Variants in SLC24A4 observed in about 807,000 individuals in gnomAD.
SLC24A4 encodes solute carrier family 24 member 4.
A neutral mutation model predicts 79.0 loss-of-function variants in SLC24A4; 53 were observed. That is an observed-to-expected ratio of 0.67 (90% CI 0.54 to 0.84). SLC24A4 has a LOEUF of 0.84. Ranked by LOEUF, SLC24A4 falls within the 40% of genes least tolerant of loss-of-function variation. The pLI is 0.00. For synonymous variants in SLC24A4, 323 were observed against 323.8 expected (o/e 1.00, Z 0.03); for missense variants, 731 against 822.0 (o/e 0.89, Z 1.35).
intron 2 of SLC24A4, among the ~76,000 whole-genome samples, chr14:92,332,529 G>A (rs1221361012): frequency 2.6e-5 from 4 of 152,194 alleles, no homozygotes; most frequent in Admixed American, 2.6e-4. Context: ...GCTGGGCATT[G>A]TGGGGAGCAC....
intron 2 of SLC24A4, among the ~76,000 whole-genome samples, chr14:92,341,429 C>G (rs1265578403): frequency 6.6e-6 from 1 of 152,150 alleles, no homozygotes; most frequent in Non-Finnish European, 1.5e-5. Flanking sequence ...GTGGAAACTC[C>G]CCAGAGACCT....
intron 2 of SLC24A4, among the ~76,000 whole-genome samples, chr14:92,412,942 A>T (rs1364070410): frequency 6.6e-6 from 1 of 152,240 alleles, no homozygotes; most frequent in Non-Finnish European, 1.5e-5. Context: ...GACACATGAG[A>T]ATGACAGAGA....
At chr14:92,431,761 A>G (rs1265041070) in intron 2 of SLC24A4, among the ~76,000 whole-genome samples, 2 of 152,046 alleles carry the variant, frequency 1.3e-5, no homozygotes, top group Non-Finnish European at 2.9e-5. Flanking sequence ...TAGAAGTAGC[A>G]GCAAATTGCC....
At chr14:92,434,324 A>G (rs1215268973) in intron 3 of SLC24A4, among the ~76,000 whole-genome samples, 3 of 152,208 alleles carry the variant, frequency 2.0e-5, no homozygotes, top group Admixed American at 1.3e-4. Context: ...TGCGTGGCAC[A>G]TGATAACTCC....
chr14:92,356,771 C>T (rs1887205517), intron 2 of SLC24A4, among the ~76,000 whole-genome samples: 1 of 152,214 alleles, frequency 6.6e-6, no homozygotes, highest in African/African-American at 2.4e-5. Context: ...TGCAGTAGGA[C>T]ACCATTCAGT....
At chr14:92,488,115 A>G (rs976685558) in intron 14 of SLC24A4, among the ~76,000 whole-genome samples, 4 of 135,482 alleles carry the variant, frequency 3.0e-5, no homozygotes, top group African/African-American at 1.1e-4. Flanking sequence ...TCTGTCACCC[A>G]GGCTGGAGTA....
At chr14:92,482,582 A>G (rs2139923585) in intron 12 of SLC24A4, 98 bp from the exon 13 acceptor site, 1 of 1,217,004 alleles carries the variant, frequency 8.2e-7, no homozygotes, top group Non-Finnish European at 1.1e-6. Context: ...GCATTCTCTT[A>G]TTTAGCTTGA....
In SLC24A4 at chr14:92,409,705, T is replaced by C. The variant is rs557001544; in HGVS notation, c.242-24207T>C. Among the ~76,000 whole-genome samples the C allele has an allele frequency of 9.9e-5, 15 of 152,284 alleles. No individual in the cohort carries two copies. The South Asian group carries it at 3.1e-3, about 32-fold the overall frequency. The stretch of plus-strand genomic sequence containing the variant: ...AGACTAGTTTTGGGATTGTTTGGTT[T>C]TTTTTTAAGAGATGAGGTCTCATAT... On this transcript the variant is annotated intron_variant, in intron 2 of 16. Transcript: ENST00000532405.
At chr14:92,379,248 G>A (rs1411109875) in intron 2 of SLC24A4, among the ~76,000 whole-genome samples, 1 of 152,190 alleles carries the variant, frequency 6.6e-6, no homozygotes, top group African/African-American at 2.4e-5. Context: ...TGGATCTTCT[G>A]TTTATTGGGC....
chr14:92,373,025 TG>T (rs1397025947), intron 2 of SLC24A4, among the ~76,000 whole-genome samples: 2 of 148,412 alleles, frequency 1.3e-5, no homozygotes, highest in Admixed American at 1.4e-4. Context: ...TCTTTCGAGA[TG>T]GAGTCTTGCT....
intron 2 of SLC24A4, among the ~76,000 whole-genome samples, chr14:92,364,514 A>G (rs1186784939): frequency 2.0e-5 from 3 of 152,224 alleles, no homozygotes; most frequent in African/African-American, 4.8e-5. Flanking sequence ...AGCAGCAGCT[A>G]TGCAGGGCAG....
At chr14:92,395,819 A>ATTATTTAT (rs149169968) in intron 2 of SLC24A4, among the ~76,000 whole-genome samples, 3 of 151,794 alleles carry the variant, frequency 2.0e-5, no homozygotes, top group African/African-American at 7.3e-5. Flanking sequence ...TTTCATATTT[A>ATTATTTAT]TTATTTATTT....
intron 12 of SLC24A4, among the ~76,000 whole-genome samples, chr14:92,472,389 TC>T (rs1894486973): frequency 6.6e-6 from 1 of 152,192 alleles, no homozygotes; most frequent in Non-Finnish European, 1.5e-5. Context: ...TCATCTTTTA[TC>T]CCTCACCCCT....
At chr14:92,393,545 CTTTTTT>C (rs5810597) in intron 2 of SLC24A4, among the ~76,000 whole-genome samples, 2 of 112,492 alleles carry the variant, frequency 1.8e-5, no homozygotes, top group Non-Finnish European at 3.5e-5. Context: ...AAGACACACT[CTTTTTT>C]TTTTTTTTTT....
chr14:92,381,435 G>T (rs915900058), intron 2 of SLC24A4, among the ~76,000 whole-genome samples: 1 of 152,130 alleles, frequency 6.6e-6, no homozygotes, highest in Admixed American at 6.5e-5. Context: ...CTGTCAGGAC[G>T]GTGGGGAAAG....
Position 92,472,011 on chromosome 14 carries a change from G to A in SLC24A4, c.1256-10669G>A, listed in dbSNP as rs1424805502. 1.3e-5 allele frequency among the ~76,000 whole-genome samples: 2 copies of A among 152,174 alleles called. 1 individual carries two copies. The highest frequency in any genetic ancestry group is 4.8e-5 in the African/African-American group (2 of 41,444). ...TCTGGCATCTGAGGCCTCCCTGCCT[G>A]GGGAGAAACTGCCCTTCCCAGGGCC... On this transcript the variant is annotated intron_variant, in intron 12 of 16. Coordinates refer to ENST00000532405, the MANE Select transcript of SLC24A4 (RefSeq NM_153646.4).
chr14:92,470,276 C>T (rs4406992), intron 12 of SLC24A4, among the ~76,000 whole-genome samples: 102,521 of 152,038 alleles, frequency 0.67, 35,682 homozygotes, highest in Non-Finnish European at 0.76. Context: ...TTGAGAACCA[C>T]TGCTTCAGAA....
intron 13 of SLC24A4, chr14:92,483,733 A>G (rs1011557841): frequency 7.8e-7 from 1 of 1,289,756 alleles, no homozygotes; most frequent in Admixed American, 2.3e-5. Context: ...CCCAGGAGCA[A>G]AGAGAGGGGA....
At chr14:92,478,181 CT>C (rs1352121007) in intron 12 of SLC24A4, among the ~76,000 whole-genome samples, 1 of 152,184 alleles carries the variant, frequency 6.6e-6, no homozygotes, top group Non-Finnish European at 1.5e-5. Flanking sequence ...TTTACTTATT[CT>C]TTTGTTGCTT....
Sources: gnomAD v4.1 joint callset for allele counts (sites outside exome capture counted in the v4.1 genomes callset) on GRCh38, gnomAD v4.1.1 for gene constraint, MANE v1.5 for transcripts, NCBI Gene and HGNC (gene_info 2026-07-23, HGNC 2026-07-21) for gene names.